The following MAP3K7CL variants were observed in gnomAD, a reference collection of about 807,000 sequenced individuals.
MAP3K7CL encodes the protein MAP3K7 C-terminal-like protein.
MAP3K7CL carries 16 observed loss-of-function variants against 18.6 expected under a neutral mutation model. The observed-to-expected ratio is 0.86, with a 90% confidence interval of 0.58 to 1.31. The LOEUF is 1.31. Among genes scored for constraint, MAP3K7CL ranks in the 50% most tolerant of loss-of-function variants. The pLI is 0.00. For missense variants in MAP3K7CL, 163 were observed against 174.4 expected (o/e 0.93, Z 0.37); for synonymous variants, 65 against 66.8 (o/e 0.97, Z 0.13).
At chr21:29,106,668 T>C (rs2086328254) in intron 4 of MAP3K7CL, among the ~76,000 whole-genome samples, 1 of 152,202 alleles carries the variant, frequency 6.6e-6, no homozygotes, top group Non-Finnish European at 1.5e-5. Flanking sequence ...AGGTTTAGAA[T>C]TGAGTCACTG....
rs8130323 is a variant in MAP3K7CL, at chr21:29,109,193, T to C, written c.370+16612T>C. The C allele has an allele frequency of 3.5e-3, 5,380 of 1,535,312 alleles. 149 individuals are homozygous for C. The African/African-American group carries it at 0.063, about 18-fold the overall frequency. Reference sequence around the variant, plus strand: ...CCAGTGCGGACTGCAGGTATGGACATAGGGAAGGGTGGGTAAGTATTAAGT... The same window carrying C: ...CCAGTGCGGACTGCAGGTATGGACACAGGGAAGGGTGGGTAAGTATTAAGT... On this transcript the variant is annotated intron_variant, in intron 4 of 6. Coordinates refer to the MAP3K7CL transcript ENST00000286791.
intron 1 of MAP3K7CL, among the ~76,000 whole-genome samples, chr21:29,090,759 CTT>C (rs201546448): frequency 2.1e-5 from 3 of 145,528 alleles, no homozygotes; most frequent in Non-Finnish European, 1.5e-5. Context: ...GCCTTCCTCA[CTT>C]TTTTTTTTTT....
chr21:29,161,403 G>A (rs745942411), intron 4 of MAP3K7CL, among the ~76,000 whole-genome samples: 3 of 152,152 alleles, frequency 2.0e-5, no homozygotes, highest in East Asian at 1.9e-4. Flanking sequence ...TCCAACCTTG[G>A]CCTCCCAAAG....
intron 3 of MAP3K7CL, among the ~76,000 whole-genome samples, chr21:29,153,923 G>A (rs527261651): frequency 1.3e-5 from 2 of 152,258 alleles, no homozygotes; most frequent in East Asian, 1.9e-4. Flanking sequence ...CCAAAACTAT[G>A]CTATAACGTG....
intron 4 of MAP3K7CL, among the ~76,000 whole-genome samples, chr21:29,163,869 A>C (rs1444588265): frequency 6.6e-6 from 1 of 151,888 alleles, no homozygotes; most frequent in African/African-American, 2.4e-5. Context: ...TTAATTAAAA[A>C]AATTTTTTTA....
intron 4 of MAP3K7CL, among the ~76,000 whole-genome samples, chr21:29,107,482 G>A (rs543193231): frequency 6.6e-6 from 1 of 152,154 alleles, no homozygotes; most frequent in African/African-American, 2.4e-5. Flanking sequence ...GAAAAGTGGT[G>A]TAAGTGAATC....
chr21:29,084,215 G>C (rs2085886809), upstream of MAP3K7CL, among the ~76,000 whole-genome samples: 1 of 151,800 alleles, frequency 6.6e-6, no homozygotes, highest in Non-Finnish European at 1.5e-5. Context: ...GCTTAAACTG[G>C]AAACACTACC....
At chr21:29,121,994 TG>T (rs996564817) in intron 4 of MAP3K7CL, 1 of 152,162 alleles carries the variant, frequency 6.6e-6, no homozygotes, top group Admixed American at 6.5e-5. Context: ...GTCATCAGCA[TG>T]GGGAGGAGGA....
At chr21:29,100,401 AG>A (rs796211421) in intron 4 of MAP3K7CL, among the ~76,000 whole-genome samples, 32 of 152,374 alleles carry the variant, frequency 2.1e-4, no homozygotes, top group African/African-American at 7.7e-4. Context: ...TTTACTGATG[AG>A]GAAACTGACT....
In MAP3K7CL at chr21:29,160,068, C is replaced by T. The variant is rs919162729; in HGVS notation, c.248+12C>T. 1 of 1,595,840 alleles carries T rather than the reference C, an allele frequency of 6.3e-7. No homozygotes were observed. The highest frequency in any genetic ancestry group is 8.6e-7 in the Non-Finnish European group (1 of 1,163,718). On this transcript the variant is annotated intron_variant, in intron 4 of 4. Transcript: ENST00000399928. ...CTTGAGCAAAGGAAGTAAGTACCTA[C>T]CCCCCTCACTCTACATCTGAGCACT...
At chr21:29,161,032 C>T (rs1055988253) in intron 4 of MAP3K7CL, among the ~76,000 whole-genome samples, 6 of 152,194 alleles carry the variant, frequency 3.9e-5, no homozygotes, top group African/African-American at 1.2e-4. Flanking sequence ...TTGTGGGGGC[C>T]GGGCGCAGTG....
chr21:29,149,390 T>A, intron 3 of MAP3K7CL, 140 bp downstream of exon 3: 1 of 731,164 alleles, frequency 1.4e-6, no homozygotes, highest in Non-Finnish European at 2.3e-6. Flanking sequence ...ATTACATTTC[T>A]AGAGCTCCAA....
intron 3 of MAP3K7CL, among the ~76,000 whole-genome samples, chr21:29,151,467 C>T (rs2087274155): frequency 6.6e-6 from 1 of 151,950 alleles, no homozygotes; most frequent in African/African-American, 2.4e-5. Context: ...GAGCAAGACT[C>T]CGTCTCAAAA....
chr21:29,131,340 T>G (rs1466725614), intron 1 of MAP3K7CL: 1 of 152,240 alleles, frequency 6.6e-6, no homozygotes, highest in Admixed American at 6.5e-5. Context: ...TTAGATGTTA[T>G]GCTAAAGTGA....
At chr21:29,126,608 G>A (rs1360029840), upstream of MAP3K7CL, among the ~76,000 whole-genome samples, 1 of 151,996 alleles carries the variant, frequency 6.6e-6, no homozygotes, top group Non-Finnish European at 1.5e-5. Flanking sequence ...ACAGGCACTC[G>A]CCACCACGCC....
chr21:29,123,055 C>CATTTTTTT (rs2086622896), intron 4 of MAP3K7CL, among the ~76,000 whole-genome samples: 1 of 89,336 alleles, frequency 1.1e-5, no homozygotes, highest in Non-Finnish European at 2.0e-5. Context: ...AAGAAATGAT[C>CATTTTTTT]TTTTTTTTTT....
At position 29,134,093 on chromosome 21, in the gene MAP3K7CL, G is replaced by A. The variant is rs545963518; in HGVS notation, c.70+679G>A. Among the ~76,000 whole-genome samples the A allele has an allele frequency of 6.1e-4, 93 of 152,310 alleles. 1 individual carries two copies. Among genetic ancestry groups the A allele is most frequent in the African/African-American group, 2.1e-3 (87 of 41,572 alleles). ...GCTTGGCTCTCTTCCACTGGCATCC[G>A]CCATTGCTCTTAGTTTAATGTCATC... On this transcript the variant is annotated intron_variant, in intron 2 of 4. Transcript: ENST00000399928.
At chr21:29,113,041 C>G (rs996355199) in intron 4 of MAP3K7CL, among the ~76,000 whole-genome samples, 1 of 152,142 alleles carries the variant, frequency 6.6e-6, no homozygotes, top group East Asian at 1.9e-4. Context: ...ACTCCTCACC[C>G]GCCTTGGCCT....
chr21:29,102,194 C>T (rs146679715), intron 4 of MAP3K7CL, among the ~76,000 whole-genome samples: 1 of 152,274 alleles, frequency 6.6e-6, no homozygotes, highest in African/African-American at 2.4e-5. Context: ...CAGAGTGTGG[C>T]GAACTGAGTC....
Sources: allele counts gnomAD v4.1 joint callset (sites outside exome capture counted in the v4.1 genomes callset), GRCh38; gene constraint gnomAD v4.1.1; transcripts MANE v1.5; gene names NCBI Gene and HGNC (gene_info 2026-07-23, HGNC 2026-07-21).